The following CSF3R variants were observed in gnomAD, a reference collection of about 807,000 sequenced individuals.
CSF3R encodes the protein granulocyte colony-stimulating factor receptor.
Under a neutral mutation model 84.4 loss-of-function variants are expected in CSF3R, and 52 were observed. The observed-to-expected ratio is 0.62, with a 90% CI of 0.49 to 0.78. The LOEUF is 0.78. Among genes scored for constraint, CSF3R ranks in the 30% least tolerant of loss-of-function variants. The pLI is 0.00. For missense variants in CSF3R, 890 were observed against 1,055.7 expected (o/e 0.84, Z 2.17); for synonymous variants, 384 against 429.1 (o/e 0.89, Z 1.30).
Position 36,481,332 on chromosome 1 carries a change from C to A in CSF3R, c.-21+146G>T, listed in dbSNP as rs77070320. ...GGCCTCAGTCTCTGGTCCTCCACTG[C>A]AGCCCTGGACGTCCCCCAGCCTGGT... On this transcript the variant is annotated intron_variant, in intron 2 of 16. Coordinates refer to ENST00000373106, the MANE Select transcript of CSF3R (RefSeq NM_000760.4). The A allele has an allele frequency of 7.2e-3, 1,096 of 152,630 alleles. 10 individuals are homozygous for A. The highest frequency in any genetic ancestry group is 0.025 in the African/African-American group (1,044 of 41,576). 9.5% of individuals were successfully genotyped at this position (152,630 alleles called of 1,614,324 possible).
chr1:36,466,372 C>T lies in CSF3R; in HGVS notation c.2496G>A (p.Ala832=), dbSNP rs150501885. Residue 832 remains alanine, a synonymous_variant, in exon 17 of 17, where the codon GCG becomes GCA. Transcript: ENST00000373106. This position sits in a 1 kb window ranked among gnomAD's most constrained non-coding sequence, Gnocchi z 4.6. ...CCAGGAAGCCCTAGAAGCTCCCCAG[C>T]GCCTCCATCCCATGGACCCGGATCC... is the stretch of plus-strand genomic sequence containing the variant. The part of the protein sequence containing the change: ...LQGIRVHGME[A]LGSF The T allele has an allele frequency of 7.6e-4, 1,222 of 1,612,962 alleles. 8 individuals carry two copies. The East Asian group carries it at 0.012, about 16-fold the overall frequency.
In CSF3R at chr1:36,473,574, C is replaced by T; in HGVS notation, c.534G>A (p.Val178=). ...AGCAGTGGCTCTGCCCGTCCTTGGGCACGCAGTCCAGGATGGAGTCCCCTT... is the reference window on the plus strand; with the variant it reads ...AGCAGTGGCTCTGCCCGTCCTTGGGTACGCAGTCCAGGATGGAGTCCCCTT... ...QTQGDSILDC[V]PKDGQSHCCI... The change falls in exon 6 of 17, where the codon GTG becomes GTA. Residue 178 remains valine, a synonymous_variant. Transcript: ENST00000373106. 6.2e-7 allele frequency: 1 copy of T among 1,614,192 alleles called. No individual in the cohort carries two copies. The highest frequency in any genetic ancestry group is 8.5e-7 in the Non-Finnish European group (1 of 1,180,052).
chr1:36,471,840 G>T (rs1650762328), intron 9 of CSF3R, 194 bp from the exon 10 acceptor site: 1 of 687,156 alleles, frequency 1.5e-6, no homozygotes, highest in Non-Finnish European at 2.5e-6. Context: ...AAACAAGTTG[G>T]TGGACACAGC....
At chr1:36,477,125 T>G (rs1651203078) in intron 3 of CSF3R, 1 of 152,178 alleles carries the variant, frequency 6.6e-6, no homozygotes, top group South Asian at 2.1e-4. Context: ...CCTTCATAAT[T>G]ATAGAGTCTT....
chr1:36,472,582 G>T lies in CSF3R; in HGVS notation c.778C>A (p.Leu260Met). Residue 260 changes from leucine to methionine, a missense_variant, in exon 7 of 17, where the codon CTG becomes ATG. Leu to Met is a conservative substitution (Grantham distance 15). Transcript: ENST00000373106. The surrounding 1 kb of genome is among the most constrained non-coding windows in gnomAD (Gnocchi z 5.0). ...QLCWEPWQPG[L>M]HINQKCELRH... is the part of the protein sequence containing the mutation. ...AGCTCACACTTCTGATTTATGTGCA[G>T]GCCTGGCTGCCATGGCTCCCAGCAC... 6.2e-7 allele frequency: 1 copy of T among 1,614,158 alleles called. No individual in the cohort carries two copies. Among genetic ancestry groups the T allele is most frequent in the South Asian group, 1.1e-5 (1 of 91,092 alleles).
Position 36,467,327 on chromosome 1 carries a change from G to A in CSF3R, c.1959-16C>T, listed in dbSNP as rs543923890. 1.2e-6 allele frequency: 2 copies of A among 1,613,422 alleles called. No homozygotes were observed. The highest frequency in any genetic ancestry group is 1.7e-6 in the Non-Finnish European group (2 of 1,179,322). On this transcript the variant is annotated splice_polypyrimidine_tract_variant and intron_variant, in intron 15 of 16. Coordinates refer to ENST00000373106, the MANE Select transcript of CSF3R (RefSeq NM_000760.4). The surrounding 1 kb of genome is among the most constrained non-coding windows in gnomAD (Gnocchi z 4.1). ...ATTCTTCCTGCTGGAGAAGGGGGCA[G>A]GTGGAGGCTGAGTCAGACACACCCT...
At position 36,472,125 on chromosome 1, in the gene CSF3R, G is replaced by A. The variant is rs112923753; in HGVS notation, c.1012C>T (p.Leu338=). Residue 338 remains leucine (L), a synonymous_variant, in exon 9 of 17, where the codon CTG becomes TTG. Coordinates refer to ENST00000373106, the MANE Select transcript of CSF3R (RefSeq NM_000760.4). The surrounding 1 kb of genome is among the most constrained non-coding windows in gnomAD (Gnocchi z 5.0). ...TGCCTCTGCCGCCACCATGTGTCCAGTCTGACAGTGGGGGCTGTGGATGGA... is the reference window on the plus strand; with the variant it reads ...TGCCTCTGCCGCCACCATGTGTCCAATCTGACAGTGGGGGCTGTGGATGGA... The part of the protein sequence containing the change: ...RTTERAPTVR[L]DTWWRQRQLD... 7.4e-6 allele frequency: 12 copies of A among 1,613,926 alleles called. No individual in the cohort carries two copies. The African/African-American group carries it at 9.3e-5, about 13-fold the overall frequency.
Position 36,473,497 on chromosome 1 carries a change from T to C in CSF3R, c.611A>G (p.Gln204Arg). Reference protein sequence around the residue: ...LLYQNMGIWVQAENALGTSMS... With the variant: ...LLYQNMGIWVRAENALGTSMS... Reference sequence around the variant, plus strand: ...GCTGGTCCCCAGCGCATTCTCTGCCTGCACCCAGATGCCCATATTCTGGTA... The same window carrying C: ...GCTGGTCCCCAGCGCATTCTCTGCCCGCACCCAGATGCCCATATTCTGGTA... Residue 204 changes from glutamine (Q) to arginine (R), a missense_variant, in exon 6 of 17, where the codon CAG becomes CGG. Physicochemically the swap from Gln to Arg is conservative, Grantham distance 43. Coordinates refer to ENST00000373106, the MANE Select transcript of CSF3R (RefSeq NM_000760.4). 5 of 1,614,146 alleles carry C rather than the reference T, an allele frequency of 3.1e-6. No homozygotes were observed. Among genetic ancestry groups the C allele is most frequent in the Non-Finnish European group, 3.4e-6 (4 of 1,180,052 alleles).
Position 36,467,496 on chromosome 1 carries a change from C to G in CSF3R, c.1958+62G>C, listed in dbSNP as rs1253613743. The G allele has an allele frequency of 6.5e-7, 1 of 1,545,270 alleles. No individual in the cohort carries two copies. Among genetic ancestry groups the G allele is most frequent in the Admixed American group, 1.7e-5 (1 of 58,754 alleles). On this transcript the variant is annotated intron_variant, in intron 15 of 16. Transcript: ENST00000373106. This position sits in a 1 kb window ranked among gnomAD's most constrained non-coding sequence, Gnocchi z 4.1. Reference sequence around the variant, plus strand: ...CTGGAAGGGACTTAGATGGGCCCATCTGGACCTGAGGTTCCCTGTGGGTGG... The same window carrying G: ...CTGGAAGGGACTTAGATGGGCCCATGTGGACCTGAGGTTCCCTGTGGGTGG...
Position 36,467,938 on chromosome 1 carries a change from CGG to C in CSF3R, c.1746_1747del (p.Arg583TrpfsTer120). ...CTCCAGGCCATGGAGGACAAAGCCA[CGG>C]GAGGAGGCATTCAGGATGGCGGCTG... On this transcript the variant is annotated frameshift_variant, in exon 14 of 17. Coordinates refer to ENST00000373106, the MANE Select transcript of CSF3R (RefSeq NM_000760.4). LOFTEE classifies it high-confidence loss of function. This position sits in a 1 kb window ranked among gnomAD's most constrained non-coding sequence, Gnocchi z 4.1. The C allele has an allele frequency of 6.2e-7, 1 of 1,614,192 alleles. No individual in the cohort carries two copies. Among genetic ancestry groups the C allele is most frequent in the Non-Finnish European group, 8.5e-7 (1 of 1,180,048 alleles).
rs762994036 is a variant in CSF3R at position 36,479,444 on chromosome 1, A to T, written c.53T>A (p.Leu18Gln). The change falls in exon 3 of 17, where the codon CTG (leucine) becomes CAG (glutamine). Residue 18 changes from leucine to glutamine, a missense_variant. Physicochemically the swap from Leu to Gln is moderately radical, Grantham distance 113 (BLOSUM62 -2). Coordinates refer to ENST00000373106, the MANE Select transcript of CSF3R (RefSeq NM_000760.4). ...TTGGCCATACTCACTTCCGGGGAGC[A>T]GCAGGATGATCAGGGCAGCCCAAGT... The part of the protein sequence containing the change: ...SLTWAALIIL[L>Q]LPGSLEECGH... The T allele has an allele frequency of 8.7e-6, 14 of 1,614,198 alleles. No individual in the cohort carries two copies. In the South Asian group the frequency reaches 1.3e-4, roughly 15 times the overall value.
rs777512734 is a variant in CSF3R, at chr1:36,466,628, C to T, written c.2240G>A (p.Ser747Asn). The change falls in exon 17 of 17, where the codon AGC (serine) becomes AAC (asparagine). Residue 747 changes from serine (S) to asparagine (N), a missense_variant. By Grantham distance (46) the Ser-to-Asn change is conservative. Transcript: ENST00000373106. The surrounding 1 kb of genome is among the most constrained non-coding windows in gnomAD (Gnocchi z 4.6). ...STQPQSQSGT[S>N]DQVLYGQLLG... ...CAGCTGCCCATAAAGGACCTGATCG[C>T]TGGTGCCAGACTGGGATTGGGGCTG... The T allele has an allele frequency of 8.7e-6, 14 of 1,613,968 alleles. No homozygotes were observed. The highest frequency in any genetic ancestry group is 1.1e-5 in the Non-Finnish European group (13 of 1,179,978).
upstream of CSF3R, chr1:36,483,232 G>A (rs1369931109): frequency 6.6e-6 from 1 of 152,262 alleles, no homozygotes; most frequent in African/African-American, 2.4e-5. Context: ...GCATCACTTG[G>A]AGGCAGGCCC....
In CSF3R at chr1:36,466,533, C is replaced by T; in HGVS notation, c.2335G>A (p.Gly779Ser). ...TAGGACTTGGGGCTGGGGGTGAGGC[C>T]CGCCAAGAGGGGCTGAGTGGAGTCA... ...RCDSTQPLLAGLTPSPKSYEN... is the reference protein window; with the variant it reads ...RCDSTQPLLASLTPSPKSYEN... Residue 779 changes from glycine (G) to serine (S), a missense_variant, in exon 17 of 17, where the codon GGC becomes AGC. Gly to Ser is a moderately conservative substitution (Grantham distance 56, BLOSUM62 0). Transcript: ENST00000373106. This position sits in a 1 kb window ranked among gnomAD's most constrained non-coding sequence, Gnocchi z 4.6. The T allele has an allele frequency of 1.2e-6, 2 of 1,609,350 alleles. No individual in the cohort carries two copies. The highest frequency in any genetic ancestry group is 1.7e-6 in the Non-Finnish European group (2 of 1,176,980).
Position 36,475,435 on chromosome 1 carries a change from G to A in CSF3R, c.303C>T (p.Cys101=), listed in dbSNP as rs2124136179. Residue 101 remains cysteine, a synonymous_variant, in exon 4 of 17, where the codon TGC becomes TGT. Transcript: ENST00000373106. ...GCAGGCTGTTGCCCCAGTTCAGGCA[G>A]CAGGAGAGAAAGGCCTGAGTGTGGT... ...HLNHTQAFLS[C]CLNWGNSLQI... 2 of 1,614,182 alleles carry A rather than the reference G, an allele frequency of 1.2e-6. No individual in the cohort carries two copies. The highest frequency in any genetic ancestry group is 1.7e-6 in the Non-Finnish European group (2 of 1,180,022).
intron 2 of CSF3R, among the ~76,000 whole-genome samples, chr1:36,480,462 C>T (rs1006911316): frequency 6.6e-6 from 1 of 152,320 alleles, no homozygotes; most frequent in Middle Eastern, 3.4e-3. Context: ...TGGAGGGTGC[C>T]TTGGCTCCAG....
intron 2 of CSF3R, among the ~76,000 whole-genome samples, chr1:36,480,848 G>A (rs1185453413): frequency 1.3e-5 from 2 of 152,126 alleles, no homozygotes; most frequent in African/African-American, 2.4e-5. Context: ...CTGCTAGCCC[G>A]TAAGTCTCCT....
chr1:36,474,228 TC>T (rs1650972757), intron 4 of CSF3R, among the ~76,000 whole-genome samples: 1 of 152,082 alleles, frequency 6.6e-6, no homozygotes, highest in Non-Finnish European at 1.5e-5. Context: ...ATTTAACTGC[TC>T]CATGCCTCAG....
rs532250805 is a variant in CSF3R, at chr1:36,475,521, C to G, written c.217G>C (p.Gly73Arg). ...WRLGAELQPG[G>R]RQQRLSDGTQ... ...CCATCAGACAGACGCTGCTGCCTGC[C>G]CCCGGGCTGAAGCTCTGCTCCCAGT... is the stretch of plus-strand genomic sequence containing the variant. Residue 73 changes from glycine to arginine, a missense_variant, in exon 4 of 17, where the codon GGC (glycine) becomes CGC (arginine). Physicochemically the swap from Gly to Arg is moderately radical, Grantham distance 125. Transcript: ENST00000373106. 6.2e-7 allele frequency: 1 copy of G among 1,613,964 alleles called. No individual in the cohort carries two copies. Among genetic ancestry groups the G allele is most frequent in the East Asian group, 2.2e-5 (1 of 44,882 alleles).
Sources: gnomAD v4.1 joint callset for allele counts (sites outside exome capture counted in the v4.1 genomes callset) on GRCh38, gnomAD v4.1.1 for gene constraint, Gnocchi (gnomAD v3.1) non-coding constraint, MANE v1.5 for transcripts, NCBI Gene and HGNC (gene_info 2026-07-23, HGNC 2026-07-21) for gene names.